The following ZHX3 variants were observed in gnomAD, a reference collection of about 807,000 sequenced individuals.
ZHX3 encodes the protein zinc fingers and homeoboxes 3, also known as zinc fingers and homeoboxes protein 3.
ZHX3 carries 20 observed loss-of-function variants against 64.5 expected under a neutral mutation model. The ratio of observed to expected loss-of-function variants is 0.31; its 90% CI spans 0.22 to 0.45. The LOEUF (loss-of-function observed/expected upper bound fraction) is 0.45. ZHX3 is among the 20% of genes least tolerant of loss of function. The pLI is 1.00. For synonymous variants in ZHX3, 423 were observed against 461.6 expected (o/e 0.92, Z 1.07); for missense variants, 1,041 against 1,195.8 (o/e 0.87, Z 1.91).
chr20:41,267,044 A>G (rs1006829393), intron 2 of ZHX3, among the ~76,000 whole-genome samples: 4 of 148,856 alleles, frequency 2.7e-5, no homozygotes, highest in Non-Finnish European at 4.4e-5. Flanking sequence ...ATGGGGTTTC[A>G]CCATATTGGC....
intron 1 of ZHX3, among the ~76,000 whole-genome samples, chr20:41,302,217 A>C (rs1004763554): frequency 2.0e-5 from 3 of 152,160 alleles, no homozygotes; most frequent in Non-Finnish European, 4.4e-5. Flanking sequence ...CTTTGATGTC[A>C]AAAGACCCAG....
At chr20:41,251,929 A>C (rs1051169406) in intron 2 of ZHX3, among the ~76,000 whole-genome samples, 12 of 152,212 alleles carry the variant, frequency 7.9e-5, no homozygotes, top group African/African-American at 2.9e-4. Flanking sequence ...CACTAAGGGA[A>C]TCTCAATTAT....
chr20:41,211,080 A>G (rs1333637272), intron 2 of ZHX3, among the ~76,000 whole-genome samples: 1 of 152,118 alleles, frequency 6.6e-6, no homozygotes, highest in Admixed American at 6.5e-5. Flanking sequence ...AACAAAACCA[A>G]TGGTTTTATA....
chr20:41,215,019 C>T (rs1423035306), intron 2 of ZHX3, among the ~76,000 whole-genome samples: 1 of 152,092 alleles, frequency 6.6e-6, no homozygotes, highest in Non-Finnish European at 1.5e-5. Flanking sequence ...CTTGGAAGGC[C>T]GAAACGAGTG....
At chr20:41,289,817 G>A (rs1051550227) in intron 1 of ZHX3, among the ~76,000 whole-genome samples, 7 of 150,046 alleles carry the variant, frequency 4.7e-5, no homozygotes, top group East Asian at 2.0e-4. Flanking sequence ...AGTGCCTAGC[G>A]GAAGCCTGAC....
chr20:41,299,236 G>A (rs1345658126), intron 1 of ZHX3, among the ~76,000 whole-genome samples: 1 of 152,028 alleles, frequency 6.6e-6, no homozygotes, highest in East Asian at 1.9e-4. Flanking sequence ...TCTAGTTAAA[G>A]GTAAATAACA....
At chr20:41,235,354 T>C (rs1387578076) in intron 2 of ZHX3, among the ~76,000 whole-genome samples, 1 of 152,118 alleles carries the variant, frequency 6.6e-6, no homozygotes, top group Non-Finnish European at 1.5e-5. Context: ...CTGATGAACA[T>C]CGATGCAAAA....
At chr20:41,258,923 CCTAA>C (rs775251576) in intron 2 of ZHX3, among the ~76,000 whole-genome samples, 24 of 152,126 alleles carry the variant, frequency 1.6e-4, no homozygotes, top group African/African-American at 3.1e-4. Context: ...TATGATTTCC[CCTAA>C]CTATTTCTGC....
At chr20:41,199,105 T>G (rs2038008803) in intron 3 of ZHX3, among the ~76,000 whole-genome samples, 1 of 152,188 alleles carries the variant, frequency 6.6e-6, no homozygotes, top group Non-Finnish European at 1.5e-5. Flanking sequence ...TTTATTGATA[T>G]TCTCATTTTG....
chr20:41,238,867 C>T (rs1476500305), intron 2 of ZHX3: 1 of 151,942 alleles, frequency 6.6e-6, no homozygotes, highest in Non-Finnish European at 1.5e-5. Context: ...AAGTAAGAAA[C>T]CTAATTTGAA....
Position 41,212,003 on chromosome 20 carries a change from A to C in ZHX3, c.-150-6937T>G, listed in dbSNP as rs1229460664. Among the ~76,000 whole-genome samples, 1 of 152,254 alleles carries C rather than the reference A, an allele frequency of 6.6e-6. No individual in the cohort carries two copies. Among genetic ancestry groups the C allele is most frequent in the African/African-American group, 2.4e-5 (1 of 41,464 alleles). On this transcript the variant is annotated intron_variant, in intron 2 of 3. Transcript: ENST00000683867. The surrounding 1 kb of genome is among the most constrained non-coding windows in gnomAD (Gnocchi z 4.3). Reference sequence around the variant, plus strand: ...ACAAGTTATGGAAGACATCAAGTAGAATATCTGAAAGCACAAACGACAAAA... The same window carrying C: ...ACAAGTTATGGAAGACATCAAGTAGCATATCTGAAAGCACAAACGACAAAA...
intron 2 of ZHX3, among the ~76,000 whole-genome samples, chr20:41,229,805 T>C (rs1182050967): frequency 2.0e-5 from 3 of 152,328 alleles, no homozygotes; most frequent in South Asian, 2.1e-4. Context: ...GTTCTAGATA[T>C]TACCCCTTTA....
At chr20:41,303,718 C>G (rs1157265756) in intron 1 of ZHX3, among the ~76,000 whole-genome samples, 2 of 152,192 alleles carry the variant, frequency 1.3e-5, no homozygotes, top group African/African-American at 4.8e-5. Context: ...AGCACTTATC[C>G]TTTCTCTTCC....
intron 3 of ZHX3, among the ~76,000 whole-genome samples, chr20:41,194,315 T>C (rs1462539693): frequency 6.6e-6 from 1 of 152,190 alleles, no homozygotes; most frequent in Non-Finnish European, 1.5e-5. Flanking sequence ...TTAGATGCTC[T>C]TTCTGCTTGA....
At chr20:41,271,002 C>A (rs952968444) in intron 1 of ZHX3, among the ~76,000 whole-genome samples, 1 of 152,136 alleles carries the variant, frequency 6.6e-6, no homozygotes, top group Non-Finnish European at 1.5e-5. Flanking sequence ...CAGGGTGAGA[C>A]CACAGTCTCT....
At chr20:41,256,516 C>G (rs951191266) in intron 2 of ZHX3, among the ~76,000 whole-genome samples, 3 of 151,684 alleles carry the variant, frequency 2.0e-5, no homozygotes, top group African/African-American at 7.3e-5. Context: ...CCTCACTATT[C>G]CCGTAATTTA....
At chr20:41,235,303 G>C (rs2040898881) in intron 2 of ZHX3, among the ~76,000 whole-genome samples, 1 of 152,080 alleles carries the variant, frequency 6.6e-6, no homozygotes. Context: ...CTAAAGCCTG[G>C]CAGAGACACA....
Position 41,195,354 on chromosome 20 carries a change from G to A in ZHX3, c.2860+6703C>T, listed in dbSNP as rs2037401121. ...AGGTCTCAAACTCCTGGCCTCAAGT[G>A]ATCCTCCTGCCTTGGCCTCCCAAAG... On this transcript the variant is annotated intron_variant, in intron 3 of 3. Transcript: ENST00000683867. The surrounding 1 kb of genome is among the most constrained non-coding windows in gnomAD (Gnocchi z 4.2). Among the ~76,000 whole-genome samples the A allele has an allele frequency of 6.6e-6, 1 of 152,158 alleles. No homozygotes were observed. The highest frequency in any genetic ancestry group is 6.5e-5 in the Admixed American group (1 of 15,270).
chr20:41,279,727 G>A (rs2043575349), intron 1 of ZHX3, among the ~76,000 whole-genome samples: 5 of 152,046 alleles, frequency 3.3e-5, no homozygotes, highest in Admixed American at 3.3e-4. Context: ...AGGACTTCTG[G>A]GCCAAAGGGA....
Sources: allele counts gnomAD v4.1 joint callset (sites outside exome capture counted in the v4.1 genomes callset), GRCh38; gene constraint gnomAD v4.1.1; non-coding constraint Gnocchi (gnomAD v3.1); transcripts MANE v1.5; gene names NCBI Gene and HGNC (gene_info 2026-07-23, HGNC 2026-07-21).